Variants in PLEK2 observed in about 807,000 individuals in gnomAD.
PLEK2 encodes the protein pleckstrin-2.
Under a neutral mutation model 43.8 loss-of-function variants are expected in PLEK2, and 29 were observed. That is an observed-to-expected ratio of 0.66 (90% CI 0.49 to 0.90). The LOEUF (loss-of-function observed/expected upper bound fraction) is 0.90, where lower values mean the gene tolerates loss of function less well. Ranked by LOEUF, PLEK2 falls within the 40% of genes least tolerant of loss-of-function variation. The pLI, the probability that PLEK2 is intolerant of heterozygous loss-of-function variation, is 0.00. For synonymous variants in PLEK2, 162 were observed against 173.2 expected (o/e 0.94, Z 0.51); for missense variants, 398 against 448.1 (o/e 0.89, Z 1.01).
intron 1 of PLEK2, among the ~76,000 whole-genome samples, chr14:67,406,258 C>CAA (rs56885080): frequency 0.15 from 16,377 of 106,964 alleles, 1,813 homozygotes; most frequent in East Asian, 0.33. Flanking sequence ...GATTCCATCT[C>CAA]AAAAAAAAAA....
chr14:67,390,602 G>A lies in PLEK2; in HGVS notation c.855+61C>T, dbSNP rs562970749. 4.5e-5 allele frequency: 52 copies of A among 1,163,052 alleles called. No individual in the cohort carries two copies. In the African/African-American group the frequency reaches 7.5e-4, roughly 17 times the overall value. 72.0% of individuals were successfully genotyped at this position (1,163,052 alleles called of 1,614,324 possible). ...TCCAGCCAGCTGCCCGCCATGCCAG[G>A]AGAGGAGTGTCTGGGGGCATCACAA... On this transcript the variant is annotated intron_variant, in intron 7 of 8. Coordinates refer to ENST00000216446, the MANE Select transcript of PLEK2 (RefSeq NM_016445.3).
chr14:67,391,271 A>ATGTG (rs61156733), intron 6 of PLEK2, among the ~76,000 whole-genome samples: 1,890 of 143,888 alleles, frequency 0.013, 31 homozygotes, highest in East Asian at 0.047. Flanking sequence ...AGCAGCTGAT[A>ATGTG]TGTGTGTGTG....
intron 1 of PLEK2, among the ~76,000 whole-genome samples, chr14:67,405,204 G>A (rs1359320316): frequency 2.5e-5 from 3 of 119,354 alleles, no homozygotes; most frequent in Non-Finnish European, 4.8e-5. Context: ...CAGCCTGGGC[G>A]ACAGAGCAAG....
chr14:67,411,025 TAG>T, intron 1 of PLEK2, among the ~76,000 whole-genome samples: 1 of 150,574 alleles, frequency 6.6e-6, no homozygotes, highest in South Asian at 2.1e-4. Context: ...TGGATACCTG[TAG>T]TCCCAGCTAC....
At chr14:67,399,867 G>T (rs1260732195) in intron 1 of PLEK2, among the ~76,000 whole-genome samples, 4 of 152,204 alleles carry the variant, frequency 2.6e-5, no homozygotes, top group Non-Finnish European at 5.9e-5. Context: ...TCTGCTGAGG[G>T]ATCAGAAAGG....
intron 1 of PLEK2, among the ~76,000 whole-genome samples, chr14:67,398,895 T>C (rs1011593998): frequency 1.1e-4 from 16 of 152,350 alleles, no homozygotes; most frequent in Non-Finnish European, 7.3e-5. Context: ...CATCTTCTCA[T>C]ACCATTAAAT....
At chr14:67,402,524 C>G (rs553183971) in intron 1 of PLEK2, among the ~76,000 whole-genome samples, 20 of 152,218 alleles carry the variant, frequency 1.3e-4, no homozygotes, top group Non-Finnish European at 2.8e-4. Flanking sequence ...CTTTCTCATT[C>G]TTTCTAATTA....
chr14:67,409,264 G>C (rs912156138), intron 1 of PLEK2, among the ~76,000 whole-genome samples: 2 of 150,070 alleles, frequency 1.3e-5, no homozygotes, highest in Admixed American at 6.6e-5. Context: ...TAAGTAACAG[G>C]GGGGTGTGGT....
At chr14:67,387,570 A>G in intron 8 of PLEK2, 114 bp from the exon 9 acceptor site, 1 of 1,088,662 alleles carries the variant, frequency 9.2e-7, no homozygotes, top group East Asian at 2.7e-5. Context: ...TGATGTATTT[A>G]TTAAATAAAA....
chr14:67,395,751 G>C (rs998150220), intron 2 of PLEK2, among the ~76,000 whole-genome samples, 168 bp from the exon 3 acceptor site: 2 of 152,218 alleles, frequency 1.3e-5, no homozygotes, highest in Non-Finnish European at 2.9e-5. Flanking sequence ...GACACCTCCA[G>C]TGACAGGAAG....
Position 67,397,838 on chromosome 14 carries a change from C to T in PLEK2, c.43-12G>A. 5.6e-6 allele frequency: 9 copies of T among 1,599,692 alleles called. No homozygotes were observed. The highest frequency in any genetic ancestry group is 7.7e-6 in the Non-Finnish European group (9 of 1,171,974). ...TGGACAATGTGGCCCTATGGACAGA[C>T]AAGAAAGCCCTGAGGTGAGGCGGTC... On this transcript the variant is annotated splice_polypyrimidine_tract_variant and intron_variant, in intron 1 of 8. Transcript: ENST00000216446.
intron 3 of PLEK2, among the ~76,000 whole-genome samples, chr14:67,394,370 C>G (rs191702055): frequency 5.8e-4 from 88 of 152,000 alleles, no homozygotes; most frequent in African/African-American, 2.1e-3. Flanking sequence ...CACTCCAGCC[C>G]GGGCAACTGA....
In PLEK2 at chr14:67,392,383, G is replaced by T. The variant is rs1484358970; in HGVS notation, c.714C>A (p.Ser238Arg). 1 of 1,613,918 alleles carries T rather than the reference G, an allele frequency of 6.2e-7. No individual in the cohort carries two copies. The highest frequency in any genetic ancestry group is 8.5e-7 in the Non-Finnish European group (1 of 1,179,832). ...KKKISPKEEI[S>R]LSTVELSGTV... ...TGCCACTTAACTCCACAGTGCTCAG[G>T]CTAATTTCTTCCTTGGGGCTTATCT... is the stretch of plus-strand genomic sequence containing the variant. The change falls in exon 6 of 9, where the codon AGC (serine) becomes AGA (arginine). Residue 238 changes from serine (S) to arginine (R), a missense_variant. Transcript: ENST00000216446.
chr14:67,392,595 C>T, intron 5 of PLEK2, 67 bp downstream of exon 5: 4 of 1,434,772 alleles, frequency 2.8e-6, no homozygotes, highest in Non-Finnish European at 3.9e-6. Flanking sequence ...GGCCCCCAGG[C>T]CCCCATTCTG....
At chr14:67,388,930 C>G (rs1257596369) in intron 7 of PLEK2, among the ~76,000 whole-genome samples, 7 of 152,046 alleles carry the variant, frequency 4.6e-5, no homozygotes, top group Non-Finnish European at 1.0e-4. Context: ...CTGCCCTCCT[C>G]AGCCTCCCAA....
At chr14:67,409,182 G>T (rs1016624860) in intron 1 of PLEK2, among the ~76,000 whole-genome samples, 6 of 152,150 alleles carry the variant, frequency 3.9e-5, no homozygotes, top group African/African-American at 1.2e-4. Flanking sequence ...GGTCAAGGCT[G>T]CAGTGAGCCT....
Position 67,398,702 on chromosome 14 carries a change from G to A in PLEK2, c.43-876C>T, listed in dbSNP as rs111368048. Among the ~76,000 whole-genome samples, 271 of 151,958 alleles carry A rather than the reference G, an allele frequency of 1.8e-3. 1 individual carries two copies. The highest frequency in any genetic ancestry group is 6.3e-3 in the African/African-American group (263 of 41,420). On this transcript the variant is annotated intron_variant, in intron 1 of 8. Coordinates refer to ENST00000216446, the MANE Select transcript of PLEK2 (RefSeq NM_016445.3). Reference sequence around the variant, plus strand: ...TTCCCGAGTGGCTGGGACTACAAGCGTGTGCCACCACACCCGGCTAATTTT... The same window carrying A: ...TTCCCGAGTGGCTGGGACTACAAGCATGTGCCACCACACCCGGCTAATTTT...
intron 1 of PLEK2, among the ~76,000 whole-genome samples, chr14:67,401,757 C>G (rs975298585): frequency 3.3e-5 from 5 of 152,082 alleles, no homozygotes; most frequent in African/African-American, 1.2e-4. Context: ...CCCTCATAAA[C>G]TAATATGATA....
intron 1 of PLEK2, among the ~76,000 whole-genome samples, chr14:67,402,940 A>G (rs2086058382): frequency 6.6e-6 from 1 of 152,248 alleles, no homozygotes; most frequent in East Asian, 1.9e-4. Context: ...TATACCCAGC[A>G]GTGGAATTGC....
Sources: allele counts gnomAD v4.1 joint callset (sites outside exome capture counted in the v4.1 genomes callset), GRCh38; gene constraint gnomAD v4.1.1; transcripts MANE v1.5; gene names NCBI Gene and HGNC (gene_info 2026-07-23, HGNC 2026-07-21).